The following STON2 variants were observed in gnomAD, a reference collection of about 807,000 sequenced individuals.
The protein encoded by STON2 is stonin-2.
STON2 carries 29 observed loss-of-function variants against 65.7 expected under a neutral mutation model. That is an observed-to-expected ratio of 0.44 (90% CI 0.33 to 0.60). STON2 has a LOEUF of 0.60. Among genes scored for constraint, STON2 ranks in the 20% least tolerant of loss-of-function variants. The pLI is 0.03. For missense variants in STON2, 1,054 were observed against 1,118.1 expected, an observed-to-expected ratio of 0.94 and a Z score of 0.82; for synonymous variants, 404 against 414.2, an observed-to-expected ratio of 0.98 and a Z score of 0.30.
Position 81,371,002 on chromosome 14 carries a change from C to A in STON2, c.557G>T (p.Gly186Val). The A allele has an allele frequency of 6.2e-7, 1 of 1,612,588 alleles. No individual in the cohort carries two copies. ...AEEQTSGQAS[G>V]ADSTDKRTEW... ...CTCCATCTTACCAGTTGAGTCAGCC[C>A]CAGAAGCCTGGCCACTCGTCTGCTC... The change falls in exon 4 of 8, where the codon GGG (glycine) becomes GTG (valine). Residue 186 changes from glycine (G) to valine (V), a missense_variant. Transcript: ENST00000614646.
intron 4 of STON2, among the ~76,000 whole-genome samples, chr14:81,350,597 G>T (rs1897987252): frequency 6.6e-6 from 1 of 152,096 alleles, no homozygotes; most frequent in Non-Finnish European, 1.5e-5. Context: ...GAATGACAAG[G>T]CCTGGCTCTG....
chr14:81,323,315 C>T (rs1896886896), intron 5 of STON2, among the ~76,000 whole-genome samples: 1 of 152,216 alleles, frequency 6.6e-6, no homozygotes, highest in Non-Finnish European at 1.5e-5. Context: ...ACAAAACCTG[C>T]TTCCCAGCCT....
chr14:81,366,141 C>T (rs1195904174), intron 4 of STON2, among the ~76,000 whole-genome samples: 1 of 152,200 alleles, frequency 6.6e-6, no homozygotes, highest in Non-Finnish European at 1.5e-5. Context: ...CCCCCCGCAC[C>T]CTGTGATTTA....
intron 5 of STON2, among the ~76,000 whole-genome samples, chr14:81,285,628 A>T (rs1895302888): frequency 6.6e-6 from 1 of 152,204 alleles, no homozygotes; most frequent in South Asian, 2.1e-4. Flanking sequence ...CTTATGGATG[A>T]GAAAATAAAG....
At chr14:81,406,854 G>T (rs1434584477) in intron 2 of STON2, among the ~76,000 whole-genome samples, 1 of 152,180 alleles carries the variant, frequency 6.6e-6, no homozygotes, top group Non-Finnish European at 1.5e-5. Context: ...GGTACACCCA[G>T]ACATACTTCT....
chr14:81,349,872 T>C (rs528492919), intron 4 of STON2, among the ~76,000 whole-genome samples: 12 of 152,156 alleles, frequency 7.9e-5, no homozygotes, highest in South Asian at 2.1e-4. Flanking sequence ...GTGGCATACA[T>C]ACACAATGGA....
exon 1 of STON2, chr14:81,436,396 A>T (rs1902429831): frequency 4.0e-5 from 6 of 151,538 alleles, no homozygotes; most frequent in Admixed American, 1.3e-4. Flanking sequence ...TGGCCGCGGG[A>T]TACCCACCCG....
chr14:81,418,489 T>C (rs1901547351), intron 2 of STON2, among the ~76,000 whole-genome samples: 1 of 152,178 alleles, frequency 6.6e-6, no homozygotes, highest in Non-Finnish European at 1.5e-5. Flanking sequence ...GGAAGCTTGA[T>C]TGCAAGGAGT....
In STON2 at chr14:81,266,783, T is replaced by C. The variant is rs1894373054; in HGVS notation, c.*1631A>G. On this transcript the variant is annotated 3_prime_UTR_variant, in exon 8 of 8. Transcript: ENST00000614646. ...TATAAACTACCGTGAAACCAGGTCT[T>C]CCTAACACCGTTCCCATCAACACCA... The C allele has an allele frequency of 1.1e-5, 11 of 980,928 alleles. 1 individual carries two copies. The African/African-American group carries it at 1.3e-4, about 11-fold the overall frequency. The allele number at this position is 980,928 out of a possible 1,614,324, so 60.8% of individuals were successfully genotyped here. A position where few individuals can be genotyped will look rare whatever the true frequency, so the allele number is the denominator to read the frequency against.
chr14:81,399,356 T>G, intron 1 of STON2, among the ~76,000 whole-genome samples: 1 of 152,342 alleles, frequency 6.6e-6, no homozygotes, highest in Non-Finnish European at 1.5e-5. Flanking sequence ...AATCTGAATT[T>G]ATCTAAAATT....
chr14:81,331,239 C>T (rs1897202435), intron 4 of STON2, among the ~76,000 whole-genome samples: 1 of 152,198 alleles, frequency 6.6e-6, no homozygotes, highest in Admixed American at 6.5e-5. Context: ...GCCACAGATG[C>T]TTTGGGTACT....
At chr14:81,314,129 C>T (rs192964795) in intron 5 of STON2, among the ~76,000 whole-genome samples, 35 of 152,358 alleles carry the variant, frequency 2.3e-4, no homozygotes, top group African/African-American at 8.4e-4. Flanking sequence ...AGATGTAAGA[C>T]AAATCCTGGA....
chr14:81,269,432 A>C, intron 7 of STON2: 6 of 985,496 alleles, frequency 6.1e-6, no homozygotes, highest in Non-Finnish European at 7.2e-6. Flanking sequence ...TTAATCTTTG[A>C]AAGTAATACA....
chr14:81,342,728 G>T (rs1566917870), intron 4 of STON2, among the ~76,000 whole-genome samples: 1 of 152,134 alleles, frequency 6.6e-6, no homozygotes, highest in African/African-American at 2.4e-5. Flanking sequence ...TGCCTAGGTA[G>T]AGGATCCTGG....
intron 5 of STON2, among the ~76,000 whole-genome samples, chr14:81,283,946 T>C (rs757746424): frequency 6.6e-6 from 1 of 152,226 alleles, no homozygotes; most frequent in South Asian, 2.1e-4. Flanking sequence ...TCTCGCAACA[T>C]TCAAACATTT....
chr14:81,402,753 C>T (rs1206096527), upstream of STON2, among the ~76,000 whole-genome samples: 1 of 152,192 alleles, frequency 6.6e-6, no homozygotes, highest in Non-Finnish European at 1.5e-5. Flanking sequence ...CTCATGATCT[C>T]TCACGCAGAC....
chr14:81,270,607 G>A (rs142614612), intron 7 of STON2, 63 bp downstream of exon 7: 67 of 1,613,932 alleles, frequency 4.2e-5, no homozygotes, highest in Non-Finnish European at 5.4e-5. Context: ...GGAATAAGAG[G>A]GGGAGGGTAG....
upstream of STON2, among the ~76,000 whole-genome samples, chr14:81,400,543 A>G (rs1365100124): frequency 6.6e-6 from 1 of 151,808 alleles, no homozygotes; most frequent in Non-Finnish European, 1.5e-5. Flanking sequence ...GTCATCACTC[A>G]ATGGGGAAAA....
chr14:81,310,192 T>G (rs1316161007), intron 5 of STON2, among the ~76,000 whole-genome samples: 1 of 152,200 alleles, frequency 6.6e-6, no homozygotes, highest in Non-Finnish European at 1.5e-5. Flanking sequence ...TTAAGAATAT[T>G]ACACTGCTTT....
Sources: gnomAD v4.1 joint callset for allele counts (sites outside exome capture counted in the v4.1 genomes callset) on GRCh38, gnomAD v4.1.1 for gene constraint, MANE v1.5 for transcripts, NCBI Gene and HGNC (gene_info 2026-07-23, HGNC 2026-07-21) for gene names.